ZNF396: variants seen among roughly 807,000 people sequenced by gnomAD.
The protein encoded by ZNF396 is zinc finger and SCAN domain-containing protein 14.
Under a neutral mutation model 20.5 loss-of-function variants are expected in ZNF396, and 14 were observed. The observed-to-expected ratio is 0.68, with a 90% CI of 0.45 to 1.07. The LOEUF (loss-of-function observed/expected upper bound fraction) is 1.07. ZNF396 is among the 50% of genes least tolerant of loss of function. The probability of loss-of-function intolerance (pLI) is 0.00; values close to 1 mark genes in which losing one functional copy is unlikely to be tolerated. For synonymous variants in ZNF396, 119 were observed against 140.6 expected (o/e 0.85, Z 1.08); for missense variants, 347 against 390.1 (o/e 0.89, Z 0.93).
At chr18:35,371,072 A>AT in intron 3 of ZNF396, among the ~76,000 whole-genome samples, 1 of 152,270 alleles carries the variant, frequency 6.6e-6, no homozygotes, top group Middle Eastern at 3.4e-3. Context: ...TGGGGAGAAG[A>AT]ATTAGTGATG....
At chr18:35,376,479 C>G (rs1035218541) in intron 1 of ZNF396, among the ~76,000 whole-genome samples, 2 of 152,188 alleles carry the variant, frequency 1.3e-5, no homozygotes, top group African/African-American at 4.8e-5. Context: ...CCCAGGCCGT[C>G]CACATTTATC....
rs1016160881 is a variant in ZNF396 at position 35,374,299 on chromosome 18, A to C, written c.-7T>G. 5 of 1,611,400 alleles carry C rather than the reference A, an allele frequency of 3.1e-6. No homozygotes were observed. Among genetic ancestry groups the C allele is most frequent in the Non-Finnish European group, 4.2e-6 (5 of 1,179,454 alleles). On this transcript the variant is annotated 5_prime_UTR_variant, in exon 2 of 4. Coordinates refer to ENST00000589332, the MANE Select transcript of ZNF396 (RefSeq NM_001322286.2). The surrounding 1 kb of genome is among the most constrained non-coding windows in gnomAD (Gnocchi z 4.3). ...TTCCCAATTTTGCAGACATTTTGAC[A>C]GACAAATAGCTCAGTACTGTTAGGC...
rs1350487148 is a variant in ZNF396, at chr18:35,368,208, T to C, written c.*1007A>G. ...TTCCTTATGTTTAGCTGACTCCTTG[T>C]AGACAAGCAGTCATTTTCATGTTTC... is the stretch of plus-strand genomic sequence containing the variant. On this transcript the variant is annotated 3_prime_UTR_variant, in exon 4 of 4. Coordinates refer to ENST00000589332, the MANE Select transcript of ZNF396 (RefSeq NM_001322286.2). 2.8e-5 allele frequency: 11 copies of C among 391,450 alleles called. No individual in the cohort carries two copies. The highest frequency in any genetic ancestry group is 4.6e-5 in the Non-Finnish European group (10 of 215,652). The allele number at this position is 391,450 out of a possible 1,614,324, so 24.2% of individuals were successfully genotyped here.
intron 2 of ZNF396, 133 bp downstream of exon 2, chr18:35,373,743 C>T (rs2045217483): frequency 2.0e-6 from 3 of 1,486,910 alleles, no homozygotes; most frequent in East Asian, 4.5e-5. Flanking sequence ...TTTGCTGGGA[C>T]ACCCATTAGT....
chr18:35,377,123 C>G (rs2045269871), intron 1 of ZNF396, among the ~76,000 whole-genome samples, 155 bp downstream of exon 1: 1 of 152,256 alleles, frequency 6.6e-6, no homozygotes, highest in East Asian at 1.9e-4. Flanking sequence ...GGGGAGGGGC[C>G]TGGGGATCTG....
At position 35,374,093 on chromosome 18, in the gene ZNF396, T is replaced by C; in HGVS notation, c.200A>G (p.His67Arg). ...TTCCCAGAGCCGGCTCAGAGCCTCA[T>C]GGGGCCCAGGTGAATCCTGGTAGCC... ...QFGYQDSPGP[H>R]EALSRLWELC... The change falls in exon 2 of 4, where the codon CAT (histidine) becomes CGT (arginine). Residue 67 changes from histidine to arginine, a missense_variant. Coordinates refer to ENST00000589332, the MANE Select transcript of ZNF396 (RefSeq NM_001322286.2). This position sits in a 1 kb window ranked among gnomAD's most constrained non-coding sequence, Gnocchi z 4.3. The C allele has an allele frequency of 1.1e-5, 18 of 1,614,210 alleles. No individual in the cohort carries two copies. Among genetic ancestry groups the C allele is most frequent in the Non-Finnish European group, 1.5e-5 (18 of 1,180,026 alleles).
At chr18:35,369,826 C>T (rs901569339) in intron 3 of ZNF396, among the ~76,000 whole-genome samples, 166 bp from the exon 4 acceptor site, 1 of 152,040 alleles carries the variant, frequency 6.6e-6, no homozygotes, top group Non-Finnish European at 1.5e-5. Context: ...GGTTTACATA[C>T]TGAGGAGGCA....
In ZNF396 at chr18:35,377,265, C is replaced by A. The variant is rs2045272474; in HGVS notation, c.-73+13G>T. On this transcript the variant is annotated intron_variant, in intron 1 of 3. Transcript: ENST00000589332. ...CCGCAGCCTGGGGGCCCTAAAGAGG[C>A]CTCGGGTCTCACCTCCCGACGCCGT... 7.5e-6 allele frequency: 1 copy of A among 132,572 alleles called. No individual in the cohort carries two copies. The highest frequency in any genetic ancestry group is 2.0e-4 in the East Asian group (1 of 4,972). The allele number at this position is 132,572 out of a possible 1,614,324, so 8.2% of individuals were successfully genotyped here.
chr18:35,375,907 T>C (rs2045251025), intron 1 of ZNF396, among the ~76,000 whole-genome samples: 1 of 152,130 alleles, frequency 6.6e-6, no homozygotes. Flanking sequence ...CACGCCCGGC[T>C]AATTTTTATA....
At chr18:35,372,378 G>A (rs2045195135) in intron 3 of ZNF396, 1 of 152,208 alleles carries the variant, frequency 6.6e-6, no homozygotes, top group African/African-American at 2.4e-5. Context: ...CCCAGTATAA[G>A]CCTTCAGAGA....
At chr18:35,370,448 C>T (rs922917347) in intron 3 of ZNF396, among the ~76,000 whole-genome samples, 5 of 150,768 alleles carry the variant, frequency 3.3e-5, no homozygotes, top group African/African-American at 9.8e-5. Context: ...GTGAAAATGC[C>T]AGTGTAATGT....
In ZNF396 at chr18:35,367,553, TGTA is replaced by T. The variant is rs1803076767; in HGVS notation, c.*1659_*1661del. ...ATGGAAAACACAATACATGTATTAT[TGTA>T]GTAACATTACAGAGTTTTATCAAGA... On this transcript the variant is annotated 3_prime_UTR_variant, in exon 4 of 4. Coordinates refer to ENST00000589332, the MANE Select transcript of ZNF396 (RefSeq NM_001322286.2). 6.6e-6 allele frequency: 1 copy of T among 152,236 alleles called. No homozygotes were observed. Among genetic ancestry groups the T allele is most frequent in the South Asian group, 2.1e-4 (1 of 4,834 alleles). The allele number at this position is 152,236 out of a possible 1,614,324, so 9.4% of individuals were successfully genotyped here.
In ZNF396 at chr18:35,368,438, T is replaced by C. The variant is rs780767666; in HGVS notation, c.*777A>G. 2 of 1,395,694 alleles carry C rather than the reference T, an allele frequency of 1.4e-6. No homozygotes were observed. Among genetic ancestry groups the C allele is most frequent in the South Asian group, 4.4e-5 (2 of 45,674 alleles). The allele number at this position is 1,395,694 out of a possible 1,614,324, so 86.5% of individuals were successfully genotyped here. On this transcript the variant is annotated 3_prime_UTR_variant, in exon 4 of 4. Coordinates refer to ENST00000589332, the MANE Select transcript of ZNF396 (RefSeq NM_001322286.2). ...GGGCCTCTGCAATCGCATGTTCATA[T>C]TTTGAATCTAGTAACAGAAGACAAA...
intron 3 of ZNF396, 111 bp downstream of exon 3, chr18:35,373,342 AAGG>A (rs774059807): frequency 1.6e-6 from 2 of 1,273,760 alleles, no homozygotes; most frequent in Non-Finnish European, 1.1e-6. Flanking sequence ...TTCCCACAGT[AAGG>A]AGGAGATGAG....
chr18:35,373,250 C>A, intron 3 of ZNF396: 1 of 587,134 alleles, frequency 1.7e-6, no homozygotes, highest in Non-Finnish European at 2.6e-6. Flanking sequence ...GATTTAAAGT[C>A]TGAAGATTTT....
At position 35,366,708 on chromosome 18, in the gene ZNF396, A is replaced by G. The variant is rs374494761; in HGVS notation, c.*2507T>C. The G allele has an allele frequency of 2.0e-5, 3 of 152,200 alleles. No homozygotes were observed. Among genetic ancestry groups the G allele is most frequent in the African/African-American group, 7.2e-5 (3 of 41,466 alleles). 9.4% of individuals were successfully genotyped at this position (152,200 alleles called of 1,614,324 possible). On this transcript the variant is annotated 3_prime_UTR_variant, in exon 4 of 4. Coordinates refer to ENST00000589332, the MANE Select transcript of ZNF396 (RefSeq NM_001322286.2). ...AACAATACCAATTTCATTTTGGAGT[A>G]TTTACTATCCCTGAAAATTAATATA...
chr18:35,372,006 A>G (rs2045187694), intron 3 of ZNF396: 1 of 152,210 alleles, frequency 6.6e-6, no homozygotes, highest in African/African-American at 2.4e-5. Flanking sequence ...CTTTCATAAG[A>G]CATGACTCAG....
Position 35,373,449 on chromosome 18 carries a change from C to T in ZNF396, c.562+7G>A. 6.2e-7 allele frequency: 1 copy of T among 1,612,592 alleles called. No individual in the cohort carries two copies. The highest frequency in any genetic ancestry group is 1.3e-5 in the African/African-American group (1 of 74,954). On this transcript the variant is annotated splice_region_variant and intron_variant, in intron 3 of 3. Transcript: ENST00000589332. ...CTTCCAACATGAACTGAATCCTGCC[C>T]CCTCACCATGTGGTCTTAAGGACTG...
In ZNF396 at chr18:35,369,232, TAA is replaced by T; in HGVS notation, c.989_990del (p.Ile330LysfsTer32). The T allele has an allele frequency of 1.3e-6, 2 of 1,584,120 alleles. No homozygotes were observed. Among genetic ancestry groups the T allele is most frequent in the Admixed American group, 1.9e-5 (1 of 52,766 alleles). ...SNLFRHRKRH[I>X]RKKVP ...CATGATACTTATGGGACTTTTTTTC[TAA>T]TGTGTCTTTTCCTATGTCTAAAAAG... is the stretch of plus-strand genomic sequence containing the variant. On this transcript the variant is annotated frameshift_variant, in exon 4 of 4. Coordinates refer to ENST00000589332, the MANE Select transcript of ZNF396 (RefSeq NM_001322286.2). LOFTEE classifies it high-confidence loss of function.
Sources: gnomAD v4.1 joint callset for allele counts (sites outside exome capture counted in the v4.1 genomes callset) on GRCh38, gnomAD v4.1.1 for gene constraint, Gnocchi (gnomAD v3.1) non-coding constraint, MANE v1.5 for transcripts, NCBI Gene and HGNC (gene_info 2026-07-23, HGNC 2026-07-21) for gene names.